The following AFF2 variants were observed in gnomAD, a reference collection of about 807,000 sequenced individuals.
The protein encoded by AFF2 is AF4/FMR2 family member 2.
Under a neutral mutation model 76.9 loss-of-function variants are expected in AFF2, and 14 were observed. That is an observed-to-expected ratio of 0.18 (90% CI 0.12 to 0.28). AFF2 has a LOEUF of 0.28. AFF2 is among the 10% of genes least tolerant of loss of function. The probability of loss-of-function intolerance (pLI) is 1.00; values close to 1 mark genes in which losing one functional copy is unlikely to be tolerated. For synonymous variants in AFF2, 398 were observed against 366.7 expected, an observed-to-expected ratio of 1.09 and a Z score of -0.98; for missense variants, 868 against 1,001.1, an observed-to-expected ratio of 0.87 and a Z score of 1.79.
In AFF2 at chrX:148,689,923, G is replaced by A. The variant is rs143628053; in HGVS notation, c.1041+27155G>A. On this transcript the variant is annotated intron_variant, in intron 3 of 20. Transcript: ENST00000370460. ...AGAAACATGTGAATCATCTATAGCC[G>A]ATTCTCTCTGTGTGTTTGACTGACT... Among the ~76,000 whole-genome samples the A allele has an allele frequency of 4.7e-3, 522 of 112,078 alleles. 4 individuals carry two copies. The highest frequency in any genetic ancestry group is 0.016 in the African/African-American group (480 of 30,893).
At chrX:148,977,657 A>ACT (rs1569557912) in intron 16 of AFF2, among the ~76,000 whole-genome samples, 3 of 99,697 alleles carry the variant, frequency 3.0e-5, no homozygotes, top group African/African-American at 1.1e-4. Context: ...ACACACACAC[A>ACT]CTCACGGTAA....
intron 1 of AFF2, among the ~76,000 whole-genome samples, chrX:148,562,034 CTA>C (rs1557240768): frequency 8.9e-6 from 1 of 111,740 alleles, no homozygotes; most frequent in East Asian, 2.8e-4. Context: ...TTGCAGGACA[CTA>C]TGAAATTATT....
chrX:148,633,133 T>C (rs1557253255), intron 1 of AFF2, among the ~76,000 whole-genome samples: 2 of 111,066 alleles, frequency 1.8e-5, no homozygotes, highest in Non-Finnish European at 3.8e-5. Flanking sequence ...GTTCCAGGAG[T>C]AATGTGAAAA....
intron 1 of AFF2, among the ~76,000 whole-genome samples, chrX:148,566,646 A>G (rs1316182461): frequency 1.8e-5 from 2 of 110,765 alleles, no homozygotes; most frequent in African/African-American, 3.3e-5. Context: ...GATTAATAAG[A>G]TGTTGAAACA....
At chrX:148,544,104 C>T (rs2052892200) in intron 1 of AFF2, among the ~76,000 whole-genome samples, 1 of 111,975 alleles carries the variant, frequency 8.9e-6, no homozygotes, top group Admixed American at 9.5e-5. Flanking sequence ...GGTCACTAAG[C>T]GGGGACCTTG....
In AFF2 at chrX:148,706,660, C is replaced by T. The variant is rs781893040; in HGVS notation, c.1041+43892C>T. On this transcript the variant is annotated intron_variant, in intron 3 of 20. Transcript: ENST00000370460. Reference sequence around the variant, plus strand: ...ATATAAGGATGCTCTTTCTTTGAGGCTTGGAATAAAATGAAAGAGAGATCA... The same window carrying T: ...ATATAAGGATGCTCTTTCTTTGAGGTTTGGAATAAAATGAAAGAGAGATCA... 2.7e-5 allele frequency among the ~76,000 whole-genome samples: 3 copies of T among 112,288 alleles called. No individual in the cohort carries two copies. In the Admixed American group the frequency reaches 2.8e-4, roughly 11 times the overall value.
At position 148,977,873 on chromosome X, in the gene AFF2, C is replaced by T. The variant is rs1040224784; in HGVS notation, c.3405-60C>T. The T allele has an allele frequency of 3.5e-6, 3 of 857,222 alleles. No individual in the cohort carries two copies. The African/African-American group carries it at 5.9e-5, about 17-fold the overall frequency. 70.6% of individuals were successfully genotyped at this position (857,222 alleles called of 1,213,427 possible). On this transcript the variant is annotated intron_variant, in intron 16 of 20. Transcript: ENST00000370460. ...ATTCAGGCAATCAGAATACCAGTGA[C>T]TTTAGGCATTTCTGAAGGGTAATAC... is the stretch of plus-strand genomic sequence containing the variant.
At chrX:148,828,960 C>A (rs1472228453) in intron 4 of AFF2, among the ~76,000 whole-genome samples, 2 of 111,651 alleles carry the variant, frequency 1.8e-5, no homozygotes, top group Non-Finnish European at 3.8e-5. Context: ...TTCAATGGAA[C>A]CCTGGTTTGG....
At chrX:148,921,078 T>C (rs992830018) in intron 9 of AFF2, among the ~76,000 whole-genome samples, 6 of 111,378 alleles carry the variant, frequency 5.4e-5, no homozygotes, top group African/African-American at 1.6e-4. Context: ...CACAGCCTCA[T>C]TGCAAGCAGG....
At chrX:148,896,782 T>G (rs1162304251) in intron 8 of AFF2, among the ~76,000 whole-genome samples, 1 of 110,851 alleles carries the variant, frequency 9.0e-6, no homozygotes, top group African/African-American at 3.3e-5. Flanking sequence ...GAGTTAAAAA[T>G]AGACTGAGGG....
chrX:148,594,230 A>G (rs1159624727), intron 1 of AFF2, among the ~76,000 whole-genome samples: 1 of 111,118 alleles, frequency 9.0e-6, no homozygotes, highest in Non-Finnish European at 1.9e-5. Context: ...AGAACTGCTT[A>G]GCCTGAGCTA....
intron 7 of AFF2, among the ~76,000 whole-genome samples, chrX:148,853,520 G>A (rs1557275620): frequency 8.9e-6 from 1 of 111,970 alleles, no homozygotes; most frequent in East Asian, 2.8e-4. Context: ...GCTCATGAAT[G>A]AGCTTTGCAG....
At position 148,914,290 on chromosome X, in the gene AFF2, G is replaced by A. The variant is rs992799921; in HGVS notation, c.1397+10032G>A. 2.7e-5 allele frequency among the ~76,000 whole-genome samples: 3 copies of A among 111,384 alleles called. No homozygotes were observed. In the Admixed American group the frequency reaches 2.9e-4, roughly 11 times the overall value. ...TCTGGTACTTAGAGGCAGCTGGGGC[G>A]GGGGGTGGCATTTTTCACAGTAGCG... On this transcript the variant is annotated intron_variant, in intron 9 of 20. Transcript: ENST00000370460.
intron 9 of AFF2, among the ~76,000 whole-genome samples, chrX:148,942,726 G>C (rs782239855): frequency 9.1e-6 from 1 of 109,349 alleles, no homozygotes; most frequent in Non-Finnish European, 1.9e-5. Flanking sequence ...TGAGGCAGGA[G>C]AATTGCTTGA....
chrX:148,785,067 A>T (rs1401870227), intron 3 of AFF2, among the ~76,000 whole-genome samples: 1 of 111,612 alleles, frequency 9.0e-6, no homozygotes, highest in Non-Finnish European at 1.9e-5. Context: ...CCTTCCCCCA[A>T]GGCAGTGAGA....
At chrX:148,623,420 C>T (rs1269032948) in intron 1 of AFF2, among the ~76,000 whole-genome samples, 2 of 110,761 alleles carry the variant, frequency 1.8e-5, no homozygotes, top group East Asian at 2.9e-4. Context: ...GTGTTTGTAT[C>T]TCCCATTCCA....
intron 4 of AFF2, among the ~76,000 whole-genome samples, chrX:148,834,043 C>T (rs1557273562): frequency 8.9e-6 from 1 of 111,937 alleles, no homozygotes; most frequent in African/African-American, 3.2e-5. Flanking sequence ...TGAGTCCTAG[C>T]CATGAGCTAT....
intron 11 of AFF2, among the ~76,000 whole-genome samples, chrX:148,957,580 G>C (rs896549878): frequency 8.9e-6 from 1 of 112,324 alleles, no homozygotes; most frequent in Non-Finnish European, 1.9e-5. Context: ...TGACACTCAG[G>C]AGAAATAAGT....
At chrX:148,695,312 A>G (rs993570651) in intron 3 of AFF2, among the ~76,000 whole-genome samples, 1 of 112,162 alleles carries the variant, frequency 8.9e-6, no homozygotes, top group Non-Finnish European at 1.9e-5. Flanking sequence ...CCTGGTCATG[A>G]TGGAATCTGT....
Sources: gnomAD v4.1 joint callset for allele counts (sites outside exome capture counted in the v4.1 genomes callset) on GRCh38, gnomAD v4.1.1 for gene constraint, MANE v1.5 for transcripts, NCBI Gene and HGNC (gene_info 2026-07-23, HGNC 2026-07-21) for gene names.